The following FHIT variants were observed in gnomAD, a reference collection of about 807,000 sequenced individuals.
FHIT encodes the protein bis(5'-adenosyl)-triphosphatase.
In FHIT, 19 loss-of-function variants were observed where a neutral mutation model predicts 17.9. The ratio of observed to expected loss-of-function variants is 1.06; its 90% CI spans 0.74 to 1.56. The LOEUF (loss-of-function observed/expected upper bound fraction) is 1.56, where lower values mean the gene tolerates loss of function less well. Among genes scored for constraint, FHIT ranks in the 40% most tolerant of loss-of-function variants. The pLI is 0.00. For synonymous variants in FHIT, 81 were observed against 69.7 expected (o/e 1.16, Z -0.81); for missense variants, 248 against 189.2 (o/e 1.31, Z -1.82).
intron 2 of FHIT, among the ~76,000 whole-genome samples, chr3:61,048,643 A>G (rs1190110918): frequency 6.6e-6 from 1 of 152,206 alleles, no homozygotes; most frequent in Non-Finnish European, 1.5e-5. Context: ...TACCCAAAGG[A>G]TTATAAATCA....
intron 2 of FHIT, among the ~76,000 whole-genome samples, chr3:61,087,548 T>C (rs1313852364): frequency 6.6e-6 from 1 of 152,156 alleles, no homozygotes; most frequent in Non-Finnish European, 1.5e-5. Flanking sequence ...AAGTGCTTAA[T>C]ACAGTGCTGA....
intron 8 of FHIT, among the ~76,000 whole-genome samples, chr3:59,857,212 T>C (rs561322297): frequency 1.3e-5 from 2 of 152,262 alleles, no homozygotes; most frequent in African/African-American, 4.8e-5. Flanking sequence ...TGAGATTAAA[T>C]TGCAGCATTT....
In FHIT at chr3:60,673,670, C is replaced by T. The variant is rs1198537156; in HGVS notation, c.-17-136691G>A. On this transcript the variant is annotated intron_variant, in intron 4 of 9. Transcript: ENST00000492590. ...AAAGCTACACATCCTGCACACGTTT[C>T]CCAGAATTTAAAATAAAATAAATTT... is the stretch of plus-strand genomic sequence containing the variant. 2.6e-5 allele frequency among the ~76,000 whole-genome samples: 4 copies of T among 151,868 alleles called. No individual in the cohort carries two copies. The South Asian group carries it at 6.3e-4, about 24-fold the overall frequency.
At chr3:60,823,339 C>T (rs189898492) in intron 3 of FHIT, among the ~76,000 whole-genome samples, 2 of 152,218 alleles carry the variant, frequency 1.3e-5, no homozygotes, top group East Asian at 3.9e-4. Flanking sequence ...TGTTGAAGTC[C>T]TAACCCTCAG....
intron 4 of FHIT, among the ~76,000 whole-genome samples, chr3:60,757,799 G>T (rs1470105637): frequency 9.2e-5 from 14 of 152,220 alleles, no homozygotes; most frequent in Admixed American, 7.9e-4. Flanking sequence ...AACATGAACA[G>T]ATTGGTGGTT....
intron 1 of FHIT, among the ~76,000 whole-genome samples, chr3:61,230,810 T>C (rs565096609): frequency 1.4e-3 from 215 of 152,266 alleles, no homozygotes; most frequent in African/African-American, 4.8e-3. Context: ...ATTCAAAAAT[T>C]ATGTTTACAG....
At chr3:60,326,139 G>T (rs1709681721) in intron 5 of FHIT, among the ~76,000 whole-genome samples, 1 of 152,058 alleles carries the variant, frequency 6.6e-6, no homozygotes, top group Admixed American at 6.6e-5. Context: ...CCACAGATGG[G>T]GGTGGAGTGG....
At chr3:60,976,865 A>G (rs1214702481) in intron 3 of FHIT, among the ~76,000 whole-genome samples, 1 of 150,794 alleles carries the variant, frequency 6.6e-6, no homozygotes, top group Non-Finnish European at 1.5e-5. Context: ...TGAAAATTCC[A>G]GTGCTCTGAA....
At chr3:61,041,977 G>C (rs1054433535) in intron 3 of FHIT, 70 bp downstream of exon 3, 11 of 152,310 alleles carry the variant, frequency 7.2e-5, no homozygotes, top group East Asian at 1.9e-4. Context: ...AGACCCGCTT[G>C]TGTGGCCAGG....
intron 5 of FHIT, among the ~76,000 whole-genome samples, chr3:60,286,266 T>A (rs956858603): frequency 6.6e-6 from 1 of 152,234 alleles, no homozygotes; most frequent in Non-Finnish European, 1.5e-5. Flanking sequence ...AATCTTTGAC[T>A]ATTTTTCTAT....
chr3:60,072,785 T>C (rs1045909170), intron 5 of FHIT, among the ~76,000 whole-genome samples: 2 of 152,216 alleles, frequency 1.3e-5, no homozygotes, highest in Admixed American at 1.3e-4. Context: ...TCTATGAAGC[T>C]AGCGCTTCAT....
At chr3:59,835,530 G>C (rs1308584937) in intron 8 of FHIT, among the ~76,000 whole-genome samples, 1 of 152,124 alleles carries the variant, frequency 6.6e-6, no homozygotes, top group East Asian at 1.9e-4. Context: ...GAATTGTCAT[G>C]AGTGAGCTTG....
At chr3:60,476,952 A>T (rs185655095) in intron 5 of FHIT, among the ~76,000 whole-genome samples, 1 of 151,714 alleles carries the variant, frequency 6.6e-6, no homozygotes, top group Admixed American at 6.6e-5. Flanking sequence ...GCTCAACATT[A>T]CCATAAACAG....
intron 2 of FHIT, among the ~76,000 whole-genome samples, chr3:61,137,262 CTTTTTTT>C (rs67142172): frequency 1.2e-4 from 13 of 105,510 alleles, no homozygotes; most frequent in South Asian, 3.0e-4. Flanking sequence ...AGGTTTCACT[CTTTTTTT>C]TTTTTTTTTT....
intron 5 of FHIT, among the ~76,000 whole-genome samples, chr3:60,298,178 G>T (rs114708635): frequency 4.6e-5 from 7 of 151,968 alleles, no homozygotes; most frequent in African/African-American, 1.7e-4. Flanking sequence ...TCCTTTTCAG[G>T]TGTTTATGAA....
intron 5 of FHIT, among the ~76,000 whole-genome samples, chr3:60,352,035 T>C (rs1699429481): frequency 6.6e-6 from 1 of 152,198 alleles, no homozygotes; most frequent in Non-Finnish European, 1.5e-5. Context: ...GACTGTCTTA[T>C]CCACTGGAGT....
At chr3:60,164,791 G>C (rs888580465) in intron 5 of FHIT, among the ~76,000 whole-genome samples, 2 of 152,082 alleles carry the variant, frequency 1.3e-5, no homozygotes, top group Non-Finnish European at 2.9e-5. Context: ...CTAAAGCTAA[G>C]AGAGTACATT....
intron 5 of FHIT, among the ~76,000 whole-genome samples, chr3:60,068,724 G>T (rs938100754): frequency 6.6e-6 from 1 of 152,132 alleles, no homozygotes; most frequent in African/African-American, 2.4e-5. Flanking sequence ...AAGCTGCCAA[G>T]TAAAAATGCT....
chr3:60,313,427 G>A (rs1030394899), intron 5 of FHIT, among the ~76,000 whole-genome samples: 4 of 152,210 alleles, frequency 2.6e-5, no homozygotes, highest in Non-Finnish European at 5.9e-5. Flanking sequence ...TGAGTGAGCA[G>A]GCTGGCAGGG....
Sources: allele counts gnomAD v4.1 joint callset (sites outside exome capture counted in the v4.1 genomes callset), GRCh38; gene constraint gnomAD v4.1.1; transcripts MANE v1.5; gene names NCBI Gene and HGNC (gene_info 2026-07-23, HGNC 2026-07-21).